KIAA1328: variants seen among roughly 807,000 people sequenced by gnomAD.
The protein encoded by KIAA1328 is protein hinderin.
Under a neutral mutation model 68.1 loss-of-function variants are expected in KIAA1328, and 52 were observed. That is an observed-to-expected ratio of 0.76 (90% CI 0.61 to 0.96). The LOEUF is 0.96. Ranked by LOEUF, KIAA1328 falls within the 40% of genes least tolerant of loss-of-function variation. The pLI, the probability that KIAA1328 is intolerant of heterozygous loss-of-function variation, is 0.00. For missense variants in KIAA1328, 641 were observed against 677.6 expected, an observed-to-expected ratio of 0.95 and a Z score of 0.60; for synonymous variants, 232 against 239.4, an observed-to-expected ratio of 0.97 and a Z score of 0.28.
At chr18:36,917,084 T>C (rs1046649419) in intron 5 of KIAA1328, among the ~76,000 whole-genome samples, 1 of 152,188 alleles carries the variant, frequency 6.6e-6, no homozygotes, top group African/African-American at 2.4e-5. Flanking sequence ...GCTCATAACA[T>C]CCTCCTTCTA....
chr18:37,089,474 A>G (rs577100965), intron 7 of KIAA1328, among the ~76,000 whole-genome samples: 157 of 150,394 alleles, frequency 1.0e-3, no homozygotes, highest in Middle Eastern at 3.4e-3. Context: ...TTCCGGGTTC[A>G]AGCAATTCTC....
chr18:37,125,952 T>C (rs1312149372), intron 7 of KIAA1328, among the ~76,000 whole-genome samples: 1 of 152,244 alleles, frequency 6.6e-6, no homozygotes, highest in Non-Finnish European at 1.5e-5. Context: ...TGTCATATTT[T>C]TTTTACTGTT....
chr18:37,211,449 C>A (rs1034122636), intron 9 of KIAA1328, among the ~76,000 whole-genome samples: 1 of 152,166 alleles, frequency 6.6e-6, no homozygotes, highest in Non-Finnish European at 1.5e-5. Flanking sequence ...TGGGTTCTGG[C>A]CAGTCAGATA....
chr18:37,133,525 A>ATT (rs530477761), intron 7 of KIAA1328, among the ~76,000 whole-genome samples: 2,385 of 134,600 alleles, frequency 0.018, 87 homozygotes, highest in African/African-American at 0.055. Context: ...CTATATAGTA[A>ATT]TTTTTTTTTT....
At chr18:37,166,550 C>T (rs2059393514) in intron 8 of KIAA1328, among the ~76,000 whole-genome samples, 1 of 152,206 alleles carries the variant, frequency 6.6e-6, no homozygotes, top group African/African-American at 2.4e-5. Context: ...GCCCTCCCCT[C>T]TTCCCAGCGT....
At chr18:36,854,823 T>A (rs1185620047) in intron 4 of KIAA1328, among the ~76,000 whole-genome samples, 1 of 152,154 alleles carries the variant, frequency 6.6e-6, no homozygotes, top group African/African-American at 2.4e-5. Flanking sequence ...TAAACGGTAT[T>A]TATTTCTCCT....
intron 6 of KIAA1328, among the ~76,000 whole-genome samples, chr18:37,054,946 A>C (rs1345654934): frequency 2.0e-5 from 3 of 152,128 alleles, no homozygotes; most frequent in Non-Finnish European, 2.9e-5. Flanking sequence ...CTATTCTGTT[A>C]TTTACACTTT....
chr18:37,016,384 G>C (rs1268533936), intron 6 of KIAA1328, among the ~76,000 whole-genome samples: 1 of 151,802 alleles, frequency 6.6e-6, no homozygotes, highest in Non-Finnish European at 1.5e-5. Flanking sequence ...TTATGATTTT[G>C]TTCAGGATTT....
chr18:36,885,281 C>T (rs2048459658), intron 4 of KIAA1328, among the ~76,000 whole-genome samples: 1 of 152,108 alleles, frequency 6.6e-6, no homozygotes, highest in Non-Finnish European at 1.5e-5. Flanking sequence ...TATAATTTGG[C>T]ACCTGCATCC....
intron 1 of KIAA1328, 131 bp downstream of exon 1, chr18:36,829,327 GC>G: frequency 7.1e-7 from 1 of 1,399,690 alleles, no homozygotes; most frequent in Non-Finnish European, 9.2e-7. Flanking sequence ...GTGCTGCTCG[GC>G]CCCAGTCTAG....
At chr18:37,220,209 C>A (rs1191705526) in intron 9 of KIAA1328, among the ~76,000 whole-genome samples, 1 of 152,120 alleles carries the variant, frequency 6.6e-6, no homozygotes, top group Non-Finnish European at 1.5e-5. Flanking sequence ...ATTTTAAATA[C>A]AAATCTCTAT....
intron 7 of KIAA1328, among the ~76,000 whole-genome samples, chr18:37,119,373 C>T (rs1007454371): frequency 6.6e-6 from 1 of 152,034 alleles, no homozygotes; most frequent in African/African-American, 2.4e-5. Flanking sequence ...ACAAAAATGC[C>T]ATATATTGGG....
chr18:36,952,933 A>G (rs2051221160), intron 5 of KIAA1328, among the ~76,000 whole-genome samples: 1 of 152,096 alleles, frequency 6.6e-6, no homozygotes, highest in Non-Finnish European at 1.5e-5. Flanking sequence ...AGAGGTAGGA[A>G]GACAAGAAGA....
At chr18:36,829,749 G>C (rs942111309) in intron 1 of KIAA1328, among the ~76,000 whole-genome samples, 9 of 152,164 alleles carry the variant, frequency 5.9e-5, no homozygotes, top group Non-Finnish European at 8.8e-5. Context: ...ATGTGGTCTG[G>C]TGGTGCTGGT....
intron 7 of KIAA1328, among the ~76,000 whole-genome samples, chr18:37,076,795 A>G (rs564944898): frequency 1.3e-3 from 205 of 152,206 alleles, no homozygotes; most frequent in Non-Finnish European, 2.5e-3. Context: ...AAGAAGTTGA[A>G]TCTCTGAATA....
intron 5 of KIAA1328, among the ~76,000 whole-genome samples, chr18:36,933,154 T>C (rs988431597): frequency 4.6e-5 from 7 of 151,944 alleles, no homozygotes; most frequent in African/African-American, 1.7e-4. Flanking sequence ...ACAAATACAT[T>C]GAAGGTCTCT....
intron 4 of KIAA1328, among the ~76,000 whole-genome samples, chr18:36,853,627 A>G (rs954205996): frequency 1.3e-5 from 2 of 151,940 alleles, no homozygotes. Flanking sequence ...GTCATTAGTT[A>G]CATTTTTATA....
chr18:37,025,817 G>A (rs905756424), intron 6 of KIAA1328, among the ~76,000 whole-genome samples: 1 of 152,106 alleles, frequency 6.6e-6, no homozygotes, highest in Non-Finnish European at 1.5e-5. Context: ...AAAAGAACTA[G>A]AGAAGCAAGA....
intron 5 of KIAA1328, among the ~76,000 whole-genome samples, chr18:36,910,593 T>G (rs942420376): frequency 6.6e-6 from 1 of 152,208 alleles, no homozygotes; most frequent in African/African-American, 2.4e-5. Context: ...TAAGATTGTC[T>G]TGGCAATGTG....
Sources: allele counts gnomAD v4.1 joint callset (sites outside exome capture counted in the v4.1 genomes callset), GRCh38; gene constraint gnomAD v4.1.1; transcripts MANE v1.5; gene names NCBI Gene and HGNC (gene_info 2026-07-23, HGNC 2026-07-21).